Variants in RAB30 observed in about 807,000 individuals in gnomAD.
RAB30 encodes ras-related protein Rab-30.
In RAB30, 9 loss-of-function variants were observed where a neutral mutation model predicts 25.1. The observed-to-expected ratio is 0.36, with a 90% CI of 0.22 to 0.63. The LOEUF (loss-of-function observed/expected upper bound fraction) is 0.63, where lower values mean the gene tolerates loss of function less well. Among genes scored for constraint, RAB30 ranks in the 20% least tolerant of loss-of-function variants. The probability of loss-of-function intolerance (pLI) is 0.69; values close to 1 mark genes in which losing one functional copy is unlikely to be tolerated. For missense variants in RAB30, 140 were observed against 243.5 expected (o/e 0.58, Z 2.83); for synonymous variants, 77 against 86.4 (o/e 0.89, Z 0.60).
In RAB30 at chr11:82,975,714, GAA is replaced by G. The variant is rs1856534615; in HGVS notation, c.*6449_*6450del. 6.6e-6 allele frequency: 1 copy of G among 151,448 alleles called. No homozygotes were observed. Among genetic ancestry groups the G allele is most frequent in the South Asian group, 2.1e-4 (1 of 4,778 alleles). The allele number at this position is 151,448 out of a possible 1,614,324, so 9.4% of individuals were successfully genotyped here. ...AGAATCAAAGTATGTATATATAACT[GAA>G]GAGTTAATCAACAGTAAGACCGTGA... is the stretch of plus-strand genomic sequence containing the variant. On this transcript the variant is annotated 3_prime_UTR_variant, in exon 5 of 5. Transcript: ENST00000527633.
chr11:83,015,906 G>A (rs568069341), intron 1 of RAB30, among the ~76,000 whole-genome samples: 1 of 152,306 alleles, frequency 6.6e-6, no homozygotes, highest in East Asian at 1.9e-4. Flanking sequence ...GGGAGAATGA[G>A]GCAGGCAGAT....
chr11:83,024,795 C>T (rs1393376972), intron 1 of RAB30, among the ~76,000 whole-genome samples: 1 of 152,162 alleles, frequency 6.6e-6, no homozygotes, highest in Non-Finnish European at 1.5e-5. Flanking sequence ...TACGATGTAC[C>T]CCTCTAGGAG....
chr11:83,043,290 G>T (rs201039464), intron 1 of RAB30, among the ~76,000 whole-genome samples: 1 of 152,162 alleles, frequency 6.6e-6, no homozygotes, highest in Non-Finnish European at 1.5e-5. Context: ...AACTGAGGCC[G>T]ACTTAGACCA....
intron 3 of RAB30, among the ~76,000 whole-genome samples, chr11:82,990,069 C>T (rs1475386169): frequency 1.3e-5 from 2 of 152,172 alleles, no homozygotes; most frequent in Non-Finnish European, 2.9e-5. Flanking sequence ...AGAGCGTCTC[C>T]TGCTGTTAGT....
chr11:83,023,284 A>G (rs191074947), intron 1 of RAB30, among the ~76,000 whole-genome samples: 82 of 152,272 alleles, frequency 5.4e-4, no homozygotes, highest in Non-Finnish European at 1.0e-3. Context: ...TCATGTCACA[A>G]TCTCCCCATA....
intron 4 of RAB30, among the ~76,000 whole-genome samples, chr11:82,986,163 C>T (rs1350229113): frequency 6.6e-6 from 1 of 152,082 alleles, no homozygotes; most frequent in East Asian, 1.9e-4. Context: ...GAGATATACA[C>T]AGATATTGAA....
chr11:82,973,356 T>C lies in RAB30; in HGVS notation c.*8809A>G, dbSNP rs1856486831. 1 of 152,224 alleles carries C rather than the reference T, an allele frequency of 6.6e-6. No individual in the cohort carries two copies. The highest frequency in any genetic ancestry group is 2.4e-5 in the African/African-American group (1 of 41,466). 9.4% of individuals were successfully genotyped at this position (152,224 alleles called of 1,614,324 possible). A position where few individuals can be genotyped will look rare whatever the true frequency, so the allele number is the denominator to read the frequency against. On this transcript the variant is annotated 3_prime_UTR_variant, in exon 5 of 5. Coordinates refer to ENST00000527633, the MANE Select transcript of RAB30 (RefSeq NM_001286060.2). ...ATATGGTTTGGTGATTTGACAAACT[T>C]TTTTCAAGAAGCAAAGTCCAATTTT...
intron 1 of RAB30, chr11:83,034,666 G>A (rs953777292): frequency 2.0e-4 from 30 of 152,130 alleles, no homozygotes; most frequent in Non-Finnish European, 3.8e-4. Context: ...AAGCTTAAAG[G>A]GGCCGTATTT....
chr11:82,987,844 T>G (rs992135840), intron 3 of RAB30, 74 bp from the exon 4 acceptor site: 2 of 1,035,902 alleles, frequency 1.9e-6, no homozygotes, highest in Non-Finnish European at 2.6e-6. Flanking sequence ...AAGCTTTGCC[T>G]TGCTTTGGTT....
chr11:83,005,862 A>C (rs553847485), intron 1 of RAB30, among the ~76,000 whole-genome samples: 12 of 152,088 alleles, frequency 7.9e-5, no homozygotes, highest in Non-Finnish European at 1.8e-4. Flanking sequence ...AAAATGAATA[A>C]GAAAAATTCA....
chr11:82,996,509 G>T (rs1418807415), intron 2 of RAB30, among the ~76,000 whole-genome samples: 1 of 152,142 alleles, frequency 6.6e-6, no homozygotes, highest in Admixed American at 6.5e-5. Flanking sequence ...CCTACAAAGG[G>T]TATCATTCAT....
intron 1 of RAB30, among the ~76,000 whole-genome samples, chr11:83,017,830 C>A (rs1338768675): frequency 6.6e-6 from 1 of 152,162 alleles, no homozygotes; most frequent in Non-Finnish European, 1.5e-5. Context: ...AATTGTGCTG[C>A]TATAAACATG....
At chr11:83,061,217 T>C (rs573997504) in intron 1 of RAB30, among the ~76,000 whole-genome samples, 1 of 151,812 alleles carries the variant, frequency 6.6e-6, no homozygotes, top group East Asian at 1.9e-4. Flanking sequence ...TTCCCACCTC[T>C]CTCTCTCTCT....
chr11:83,057,193 A>G (rs1858474686), intron 1 of RAB30, among the ~76,000 whole-genome samples: 1 of 150,260 alleles, frequency 6.7e-6, no homozygotes, highest in Non-Finnish European at 1.5e-5. Context: ...AATCCGGATC[A>G]CTTGAGGGTT....
intron 1 of RAB30, among the ~76,000 whole-genome samples, chr11:83,028,881 GAAA>G (rs1857786278): frequency 2.0e-5 from 3 of 152,222 alleles, no homozygotes; most frequent in East Asian, 3.9e-4. Context: ...CACAAAAAGT[GAAA>G]AAGTTAGCCA....
At chr11:83,045,158 T>C (rs939538639) in intron 1 of RAB30, among the ~76,000 whole-genome samples, 1 of 152,186 alleles carries the variant, frequency 6.6e-6, no homozygotes, top group African/African-American at 2.4e-5. Context: ...TCACCGGAAG[T>C]GTCAACTGTT....
intron 1 of RAB30, among the ~76,000 whole-genome samples, chr11:83,060,338 G>A (rs761895788): frequency 1.3e-5 from 2 of 152,092 alleles, no homozygotes; most frequent in Non-Finnish European, 2.9e-5. Context: ...CAGGATTATC[G>A]ATAGATGTTA....
chr11:83,061,592 G>T (rs1858578767), intron 1 of RAB30, among the ~76,000 whole-genome samples: 1 of 151,820 alleles, frequency 6.6e-6, no homozygotes, highest in Admixed American at 6.6e-5. Context: ...ATCTGTGTGT[G>T]TGCACACGTG....
chr11:83,069,770 C>T (rs1476662471), intron 1 of RAB30, among the ~76,000 whole-genome samples: 1 of 152,138 alleles, frequency 6.6e-6, no homozygotes, highest in African/African-American at 2.4e-5. Context: ...GTGGCATGAG[C>T]CCAACTGCAG....
Sources: allele counts gnomAD v4.1 joint callset (sites outside exome capture counted in the v4.1 genomes callset), GRCh38; gene constraint gnomAD v4.1.1; transcripts MANE v1.5; gene names NCBI Gene and HGNC (gene_info 2026-07-23, HGNC 2026-07-21).